IGF1R: variants seen among roughly 807,000 people sequenced by gnomAD.
The protein encoded by IGF1R is insulin-like growth factor 1 receptor.
A neutral mutation model predicts 144.6 loss-of-function variants in IGF1R; 44 were observed. The ratio of observed to expected loss-of-function variants is 0.30; its 90% CI spans 0.24 to 0.39. The LOEUF is 0.39. Ranked by LOEUF, IGF1R falls within the 10% of genes least tolerant of loss-of-function variation. The pLI, the probability that IGF1R is intolerant of heterozygous loss-of-function variation, is 1.00. For missense variants in IGF1R, 1,355 were observed against 1,833.7 expected, an observed-to-expected ratio of 0.74 and a Z score of 4.77; for synonymous variants, 795 against 722.8, an observed-to-expected ratio of 1.10 and a Z score of -1.60.
At chr15:98,860,556 T>C (rs528440154) in intron 2 of IGF1R, among the ~76,000 whole-genome samples, 7 of 152,356 alleles carry the variant, frequency 4.6e-5, no homozygotes, top group Admixed American at 1.3e-4. Flanking sequence ...CTTTGCTTCT[T>C]ACTCCAGTGA....
intron 20 of IGF1R, among the ~76,000 whole-genome samples, chr15:98,956,615 T>G (rs1250177853): frequency 6.6e-6 from 1 of 152,198 alleles, no homozygotes; most frequent in Admixed American, 6.5e-5. Flanking sequence ...TTGGGGAAGC[T>G]GCGGTCACTC....
intron 20 of IGF1R, among the ~76,000 whole-genome samples, chr15:98,956,397 G>C (rs2151736848): frequency 6.6e-6 from 1 of 152,356 alleles, no homozygotes; most frequent in East Asian, 1.9e-4. Flanking sequence ...GTTTGGTCCA[G>C]AACAGCCTGG....
At chr15:98,684,930 CTTTTTTTTTTT>C (rs5814891) in intron 1 of IGF1R, among the ~76,000 whole-genome samples, 2 of 113,440 alleles carry the variant, frequency 1.8e-5, no homozygotes, top group Admixed American at 1.0e-4. Flanking sequence ...CTTCCTTTTC[CTTTTTTTTTTT>C]TTTTTTTTTT....
intron 2 of IGF1R, among the ~76,000 whole-genome samples, chr15:98,862,120 A>G (rs1162630663): frequency 2.0e-5 from 3 of 152,264 alleles, no homozygotes; most frequent in East Asian, 1.9e-4. Flanking sequence ...GATGCTGGGA[A>G]ATTTCTGCTA....
chr15:98,651,162 G>A, intron 1 of IGF1R: 1 of 682,800 alleles, frequency 1.5e-6, no homozygotes, highest in Non-Finnish European at 1.8e-6. Context: ...CGAGTGAGGC[G>A]GGGAAGGAGG....
In IGF1R at chr15:98,648,611, GAAAAA is replaced by G. The variant is rs1031648493; in HGVS notation, c.-966_-962del. On this transcript the variant is annotated 5_prime_UTR_variant, in exon 1 of 21. Coordinates refer to ENST00000650285, the MANE Select transcript of IGF1R (RefSeq NM_000875.5). ...TTACCAGCATTAACTCCGCTGAGCG[GAAAAA>G]AAAAGGGAAAAAACCCGAGGAGGAG... is the stretch of plus-strand genomic sequence containing the variant. Among the ~76,000 whole-genome samples, 4 of 144,328 alleles carry G rather than the reference GAAAAA, an allele frequency of 2.8e-5. No homozygotes were observed. The highest frequency in any genetic ancestry group is 1.0e-4 in the African/African-American group (4 of 40,026). 94.7% of individuals were successfully genotyped at this position (144,328 alleles called of 152,430 possible). A position where few individuals can be genotyped will look rare whatever the true frequency, so the allele number is the denominator to read the frequency against.
intron 1 of IGF1R, chr15:98,650,837 C>G: frequency 1.1e-6 from 1 of 894,344 alleles, no homozygotes; most frequent in Non-Finnish European, 1.3e-6. Flanking sequence ...GCTCCACATT[C>G]GCTGTCTTTT....
intron 2 of IGF1R, among the ~76,000 whole-genome samples, chr15:98,815,736 C>G (rs566296501): frequency 2.0e-5 from 3 of 152,164 alleles, no homozygotes; most frequent in Non-Finnish European, 4.4e-5. Flanking sequence ...CAGAGAAATT[C>G]AGAGCTTCTC....
intron 1 of IGF1R, among the ~76,000 whole-genome samples, chr15:98,650,220 C>T (rs2052320374): frequency 6.6e-6 from 1 of 152,080 alleles, no homozygotes; most frequent in African/African-American, 2.4e-5. Flanking sequence ...GCGGAGAGGC[C>T]CCGAAGCCCC....
chr15:98,902,091 A>T (rs1181637832), intron 5 of IGF1R, among the ~76,000 whole-genome samples: 1 of 152,066 alleles, frequency 6.6e-6, no homozygotes, highest in African/African-American at 2.4e-5. Context: ...GTGTTTCTCA[A>T]ACTTTGCTAC....
At chr15:98,764,023 C>T (rs1052244757) in intron 2 of IGF1R, among the ~76,000 whole-genome samples, 3 of 152,188 alleles carry the variant, frequency 2.0e-5, no homozygotes, top group Admixed American at 6.5e-5. Context: ...TTGAAGAAAA[C>T]AAATGTTGTT....
At chr15:98,866,318 A>G (rs1355843293) in intron 2 of IGF1R, among the ~76,000 whole-genome samples, 1 of 152,230 alleles carries the variant, frequency 6.6e-6, no homozygotes, top group Non-Finnish European at 1.5e-5. Flanking sequence ...AATCTGCAGC[A>G]CGCTGCTTTC....
chr15:98,806,853 A>G (rs1245223033), intron 2 of IGF1R, among the ~76,000 whole-genome samples: 8 of 152,316 alleles, frequency 5.3e-5, no homozygotes, highest in Non-Finnish European at 1.5e-5. Context: ...TAACGTGATC[A>G]TTAATGTCAT....
chr15:98,880,732 G>T (rs1211109629), intron 2 of IGF1R: 6 of 152,236 alleles, frequency 3.9e-5, no homozygotes, highest in Non-Finnish European at 7.3e-5. Context: ...GCCCATGGGG[G>T]ATTTGTTCTG....
intron 1 of IGF1R, among the ~76,000 whole-genome samples, chr15:98,684,974 G>A (rs1042030831): frequency 6.3e-5 from 8 of 127,294 alleles, no homozygotes; most frequent in African/African-American, 1.2e-4. Context: ...ATAGTGTCTC[G>A]CTCTGTAACC....
intron 2 of IGF1R, among the ~76,000 whole-genome samples, chr15:98,781,457 G>C (rs1292267725): frequency 6.6e-6 from 1 of 152,170 alleles, no homozygotes; most frequent in African/African-American, 2.4e-5. Flanking sequence ...AGATTTTACT[G>C]TTCCATTAGA....
intron 2 of IGF1R, among the ~76,000 whole-genome samples, chr15:98,882,666 G>A (rs1362761628): frequency 6.6e-6 from 1 of 152,184 alleles, no homozygotes; most frequent in Non-Finnish European, 1.5e-5. Context: ...AGAAGAGAGT[G>A]AATAGGGACA....
intron 20 of IGF1R, 108 bp downstream of exon 20, chr15:98,948,816 G>A (rs2684789): frequency 0.57 from 740,734 of 1,302,414 alleles, 212,262 homozygotes; most frequent in South Asian, 0.7. Flanking sequence ...CTGGTCCTGC[G>A]CCTCCCTTGC....
intron 2 of IGF1R, among the ~76,000 whole-genome samples, chr15:98,810,771 A>G (rs1318146777): frequency 6.6e-6 from 1 of 150,850 alleles, no homozygotes; most frequent in East Asian, 2.0e-4. Context: ...GATGGTCTTG[A>G]TCTCCTGACC....
Sources: allele counts gnomAD v4.1 joint callset (sites outside exome capture counted in the v4.1 genomes callset), GRCh38; gene constraint gnomAD v4.1.1; transcripts MANE v1.5; gene names NCBI Gene and HGNC (gene_info 2026-07-23, HGNC 2026-07-21).